The following NCAM1 variants were observed in gnomAD, a reference collection of about 807,000 sequenced individuals.
NCAM1 encodes antigen recognized by monoclonal antibody 5.1H11.
A neutral mutation model predicts 109.8 loss-of-function variants in NCAM1; 14 were observed. That is an observed-to-expected ratio of 0.13 (90% CI 0.08 to 0.20). The LOEUF (loss-of-function observed/expected upper bound fraction) is 0.20, where lower values mean the gene tolerates loss of function less well. Among genes scored for constraint, NCAM1 ranks in the 10% least tolerant of loss-of-function variants. The pLI, the probability that NCAM1 is intolerant of heterozygous loss-of-function variation, is 1.00. For missense variants in NCAM1, 774 were observed against 1,109.9 expected, an observed-to-expected ratio of 0.70 and a Z score of 4.30; for synonymous variants, 418 against 442.9, an observed-to-expected ratio of 0.94 and a Z score of 0.70.
At position 112,982,993 on chromosome 11, in the gene NCAM1, C is replaced by T. The variant is rs150330907; in HGVS notation, c.52+21329C>T. ...AGAGAGAAGCAGAGAGGACCAGGAA[C>T]GGAACTTAGCCAAGCACTTATACTC... On this transcript the variant is annotated intron_variant, in intron 1 of 19. Coordinates refer to ENST00000316851, the MANE Select transcript of NCAM1 (RefSeq NM_181351.5). Among the ~76,000 whole-genome samples the T allele has an allele frequency of 2.2e-4, 34 of 151,964 alleles. No individual in the cohort carries two copies. The East Asian group carries it at 3.5e-3, about 16-fold the overall frequency.
intron 14 of NCAM1, chr11:113,240,958 G>A: frequency 5.1e-6 from 5 of 987,444 alleles, no homozygotes; most frequent in Non-Finnish European, 6.4e-6. Context: ...GCAGCGTCGG[G>A]TTTTAGAGGA....
chr11:113,082,766 G>A (rs1938893451), intron 1 of NCAM1, among the ~76,000 whole-genome samples: 1 of 152,150 alleles, frequency 6.6e-6, no homozygotes, highest in Non-Finnish European at 1.5e-5. Context: ...GGTTAAATAA[G>A]AAGAGCTTAA....
At chr11:113,062,556 C>T (rs1345820643) in intron 1 of NCAM1, among the ~76,000 whole-genome samples, 1 of 152,084 alleles carries the variant, frequency 6.6e-6, no homozygotes, top group East Asian at 1.9e-4. Flanking sequence ...TTAAACCATG[C>T]TAAGTGCCAA....
At chr11:113,137,651 A>C (rs1941650056) in intron 1 of NCAM1, among the ~76,000 whole-genome samples, 1 of 152,260 alleles carries the variant, frequency 6.6e-6, no homozygotes, top group Non-Finnish European at 1.5e-5. Flanking sequence ...TAAATGACAC[A>C]CTGCAATTTA....
chr11:113,167,256 GT>G (rs1942834860), intron 1 of NCAM1, among the ~76,000 whole-genome samples: 1 of 152,152 alleles, frequency 6.6e-6, no homozygotes, highest in African/African-American at 2.4e-5. Flanking sequence ...TCCTTTGTAT[GT>G]ATATATATCT....
intron 1 of NCAM1, among the ~76,000 whole-genome samples, chr11:113,120,333 G>T (rs556280772): frequency 6.6e-5 from 10 of 152,284 alleles, no homozygotes; most frequent in African/African-American, 2.4e-4. Context: ...AAGGTTTCCG[G>T]TAGAAGTATC....
Position 113,273,483 on chromosome 11 carries a change from G to A in NCAM1, c.2456+1607G>A, listed in dbSNP as rs879966065. 3.3e-4 allele frequency: 111 copies of A among 336,804 alleles called. No individual in the cohort carries two copies. The Admixed American group carries it at 4.2e-3, about 13-fold the overall frequency. The allele number at this position is 336,804 out of a possible 1,614,324, so 20.9% of individuals were successfully genotyped here. A position where few individuals can be genotyped will look rare whatever the true frequency, so the allele number is the denominator to read the frequency against. On this transcript the variant is annotated intron_variant, in intron 19 of 19. Coordinates refer to ENST00000316851, the MANE Select transcript of NCAM1 (RefSeq NM_181351.5). This position sits in a 1 kb window ranked among gnomAD's most constrained non-coding sequence, Gnocchi z 6.0. Reference sequence around the variant, plus strand: ...CCCGGACCCGGAGCCCACCCAGCCCGGAGCCGCGAAGAGCCCGGCCGAGGC... The same window carrying A: ...CCCGGACCCGGAGCCCACCCAGCCCAGAGCCGCGAAGAGCCCGGCCGAGGC...
In NCAM1 at chr11:113,175,471, C is replaced by T. The variant is rs548634929; in HGVS notation, c.53-26908C>T. On this transcript the variant is annotated intron_variant, in intron 1 of 19. Transcript: ENST00000316851. ...CTTATTTGCCTTTGTAGAAAGCCCT[C>T]TTAGTTTAGGAGTTTTGCACATCAG... Among the ~76,000 whole-genome samples the T allele has an allele frequency of 2.0e-5, 3 of 152,326 alleles. No homozygotes were observed. The South Asian group carries it at 6.2e-4, about 32-fold the overall frequency.
intron 1 of NCAM1, among the ~76,000 whole-genome samples, chr11:113,064,726 G>T (rs960655679): frequency 6.6e-6 from 1 of 152,032 alleles, no homozygotes; most frequent in Non-Finnish European, 1.5e-5. Context: ...AAATTCTCAT[G>T]GATCACCCAG....
chr11:113,269,044 C>G (rs782353119), intron 17 of NCAM1, among the ~76,000 whole-genome samples: 1 of 152,118 alleles, frequency 6.6e-6, no homozygotes, highest in Non-Finnish European at 1.5e-5. Context: ...ATATTTCAGT[C>G]GAGGGTGATT....
At chr11:113,096,595 T>C (rs1383542314) in intron 1 of NCAM1, among the ~76,000 whole-genome samples, 1 of 152,182 alleles carries the variant, frequency 6.6e-6, no homozygotes, top group Non-Finnish European at 1.5e-5. Context: ...ATCACTTTCC[T>C]TCTCTGTAAA....
intron 1 of NCAM1, among the ~76,000 whole-genome samples, chr11:113,105,802 G>T (rs993944909): frequency 2.0e-5 from 3 of 152,160 alleles, no homozygotes; most frequent in African/African-American, 7.2e-5. Flanking sequence ...TGTGTTATGG[G>T]ATGATGAAAA....
At chr11:113,028,863 T>C (rs938048487) in intron 1 of NCAM1, among the ~76,000 whole-genome samples, 1 of 151,784 alleles carries the variant, frequency 6.6e-6, no homozygotes, top group African/African-American at 2.4e-5. Flanking sequence ...GCATGTCTAG[T>C]TTTTTTAGCC....
intron 1 of NCAM1, among the ~76,000 whole-genome samples, chr11:113,050,491 A>G (rs1322933823): frequency 3.3e-5 from 5 of 152,050 alleles, no homozygotes; most frequent in Non-Finnish European, 5.9e-5. Flanking sequence ...TTGGTTGTAG[A>G]TATGTGGCTT....
chr11:113,034,858 G>T (rs868934906), intron 1 of NCAM1, among the ~76,000 whole-genome samples: 2 of 152,040 alleles, frequency 1.3e-5, no homozygotes, highest in African/African-American at 4.8e-5. Flanking sequence ...AGAAATTCAG[G>T]GCTGAAAAAT....
At chr11:113,082,775 A>G (rs1465792782) in intron 1 of NCAM1, among the ~76,000 whole-genome samples, 1 of 152,188 alleles carries the variant, frequency 6.6e-6, no homozygotes, top group Non-Finnish European at 1.5e-5. Flanking sequence ...AGAAGAGCTT[A>G]ATTTATTCAG....
chr11:113,110,061 G>A (rs1320856789), intron 1 of NCAM1, among the ~76,000 whole-genome samples: 2 of 152,176 alleles, frequency 1.3e-5, no homozygotes, highest in African/African-American at 2.4e-5. Flanking sequence ...CAAAGTGCAT[G>A]GAGCTAATAG....
intron 14 of NCAM1, among the ~76,000 whole-genome samples, chr11:113,239,067 G>T (rs1945253331): frequency 6.6e-6 from 1 of 152,176 alleles, no homozygotes; most frequent in African/African-American, 2.4e-5. Context: ...GATGAGCAGG[G>T]GGAGCTAGTA....
intron 1 of NCAM1, among the ~76,000 whole-genome samples, chr11:113,054,063 C>T (rs1555082201): frequency 1.3e-5 from 2 of 152,160 alleles, no homozygotes; most frequent in Non-Finnish European, 2.9e-5. Context: ...GATTCAGTTG[C>T]TGGAAGGACC....
Sources: allele counts gnomAD v4.1 joint callset (sites outside exome capture counted in the v4.1 genomes callset), GRCh38; gene constraint gnomAD v4.1.1; non-coding constraint Gnocchi (gnomAD v3.1); transcripts MANE v1.5; gene names NCBI Gene and HGNC (gene_info 2026-07-23, HGNC 2026-07-21).